USH2A: variants seen among roughly 807,000 people sequenced by gnomAD.
The protein encoded by USH2A is usherin.
In USH2A, 443 loss-of-function variants were observed where a neutral mutation model predicts 538.9. That is an observed-to-expected ratio of 0.82 (90% CI 0.76 to 0.89). USH2A has a LOEUF of 0.89. Ranked by LOEUF, USH2A falls within the 40% of genes least tolerant of loss-of-function variation. The pLI is 0.00. For missense variants in USH2A, 6,633 were observed against 6,324.8 expected, an observed-to-expected ratio of 1.05 and a Z score of -1.65; for synonymous variants, 2,413 against 2,273.5, an observed-to-expected ratio of 1.06 and a Z score of -1.75.
At chr1:216,114,105 C>A (rs1383088099) in intron 21 of USH2A, among the ~76,000 whole-genome samples, 1 of 151,704 alleles carries the variant, frequency 6.6e-6, no homozygotes, top group Non-Finnish European at 1.5e-5. Flanking sequence ...ATAGATCCTG[C>A]ACATTTCTTG....
intron 9 of USH2A, among the ~76,000 whole-genome samples, chr1:216,312,421 A>T (rs796577917): frequency 1.6e-4 from 24 of 151,866 alleles, no homozygotes; most frequent in African/African-American, 5.6e-4. Context: ...CTTCCCCATT[A>T]TATGTATTTA....
At chr1:215,813,187 G>C (rs1662746694) in intron 49 of USH2A, among the ~76,000 whole-genome samples, 1 of 152,150 alleles carries the variant, frequency 6.6e-6, no homozygotes, top group African/African-American at 2.4e-5. Flanking sequence ...GGCTAGCTAA[G>C]TTGGCTAATA....
chr1:215,751,182 G>T (rs1660609683), intron 58 of USH2A, among the ~76,000 whole-genome samples: 1 of 152,108 alleles, frequency 6.6e-6, no homozygotes, highest in African/African-American at 2.4e-5. Context: ...TGAATGCCAA[G>T]ATGTCTAATG....
intron 37 of USH2A, among the ~76,000 whole-genome samples, chr1:215,950,146 T>C (rs1666877190): frequency 6.6e-6 from 1 of 152,192 alleles, no homozygotes; most frequent in Non-Finnish European, 1.5e-5. Context: ...ACCTTTAATT[T>C]AGCAATTCCT....
At chr1:216,245,419 A>G (rs2036017209) in intron 13 of USH2A, among the ~76,000 whole-genome samples, 1 of 151,122 alleles carries the variant, frequency 6.6e-6, no homozygotes, top group South Asian at 2.1e-4. Flanking sequence ...TTCAGGGGAC[A>G]TAGGGTGGCC....
chr1:215,985,387 A>T (rs1298253015), intron 35 of USH2A, among the ~76,000 whole-genome samples: 1 of 152,208 alleles, frequency 6.6e-6, no homozygotes, highest in African/African-American at 2.4e-5. Flanking sequence ...TTCTACAAAA[A>T]GTAGAGGCAG....
chr1:216,231,272 A>ATATATATAATATATATATATATATAAT (rs1448269695), intron 14 of USH2A, among the ~76,000 whole-genome samples: 2 of 43,728 alleles, frequency 4.6e-5, no homozygotes, highest in Admixed American at 2.5e-4. Context: ...ATATATATAT[A>ATATATATAATATATATATATATATAAT]ATATATATAC....
chr1:215,984,531 G>A (rs1278917367), intron 35 of USH2A, among the ~76,000 whole-genome samples: 1 of 152,110 alleles, frequency 6.6e-6, no homozygotes, highest in Non-Finnish European at 1.5e-5. Context: ...GATGATAATT[G>A]TCCATAAAGC....
chr1:216,048,150 A>G (rs992858064), intron 31 of USH2A, among the ~76,000 whole-genome samples: 2 of 152,192 alleles, frequency 1.3e-5, no homozygotes, highest in East Asian at 3.9e-4. Flanking sequence ...TTGATTCTCA[A>G]TTTCATACTG....
At chr1:215,755,702 T>C (rs1027691099) in intron 58 of USH2A, among the ~76,000 whole-genome samples, 3 of 152,198 alleles carry the variant, frequency 2.0e-5, no homozygotes, top group African/African-American at 7.2e-5. Context: ...TAACCATTGG[T>C]TAAATGGTCA....
At chr1:216,335,940 C>A (rs2037965112) in intron 4 of USH2A, among the ~76,000 whole-genome samples, 3 of 151,364 alleles carry the variant, frequency 2.0e-5, no homozygotes, top group Admixed American at 1.3e-4. Context: ...CCAGTATTAC[C>A]CTAATACCAA....
chr1:216,380,411 A>C (rs1294491148), intron 3 of USH2A, among the ~76,000 whole-genome samples: 2 of 152,226 alleles, frequency 1.3e-5, no homozygotes, highest in East Asian at 3.8e-4. Flanking sequence ...AGAAATGCCA[A>C]ATACAGAAAA....
chr1:216,097,691 A>G (rs1016020871), intron 21 of USH2A, among the ~76,000 whole-genome samples: 2 of 152,220 alleles, frequency 1.3e-5, no homozygotes, highest in African/African-American at 4.8e-5. Context: ...ATTTCCTGAA[A>G]CACCACCCTA....
intron 9 of USH2A, among the ~76,000 whole-genome samples, chr1:216,296,163 A>G (rs2037100328): frequency 6.6e-6 from 1 of 152,080 alleles, no homozygotes; most frequent in Non-Finnish European, 1.5e-5. Context: ...AATAATAAGA[A>G]TGTAAACATT....
At chr1:216,039,412 G>A (rs1473309195) in intron 32 of USH2A, among the ~76,000 whole-genome samples, 5 of 151,878 alleles carry the variant, frequency 3.3e-5, no homozygotes, top group Non-Finnish European at 5.9e-5. Flanking sequence ...GTATGACCTC[G>A]TTTGTAATAG....
At chr1:215,886,186 T>C (rs969487939) in intron 41 of USH2A, among the ~76,000 whole-genome samples, 2 of 152,220 alleles carry the variant, frequency 1.3e-5, no homozygotes, top group African/African-American at 4.8e-5. Context: ...CTATGATAAA[T>C]AGTTGAATTA....
intron 21 of USH2A, among the ~76,000 whole-genome samples, chr1:216,147,756 T>C (rs1441441382): frequency 6.6e-6 from 1 of 150,642 alleles, no homozygotes; most frequent in Admixed American, 6.6e-5. Flanking sequence ...ACACAAGAAC[T>C]TCCAAACGCC....
intron 55 of USH2A, among the ~76,000 whole-genome samples, chr1:215,778,408 C>T (rs1206345550): frequency 2.0e-5 from 3 of 152,122 alleles, no homozygotes; most frequent in Non-Finnish European, 4.4e-5. Flanking sequence ...TACAATGTGC[C>T]AGGCCAAGAG....
At chr1:216,322,094 T>C (rs960533080) in intron 8 of USH2A, 118 bp from the exon 9 acceptor site, 1 of 959,982 alleles carries the variant, frequency 1.0e-6, no homozygotes, top group Non-Finnish European at 1.7e-6. Flanking sequence ...GTATATTTAA[T>C]TGATACAAAA....
Sources: gnomAD v4.1 joint callset for allele counts (sites outside exome capture counted in the v4.1 genomes callset) on GRCh38, gnomAD v4.1.1 for gene constraint, MANE v1.5 for transcripts, NCBI Gene and HGNC (gene_info 2026-07-23, HGNC 2026-07-21) for gene names.